Variants in PCDH9 observed in about 807,000 individuals in gnomAD.
The protein encoded by PCDH9 is protocadherin-9.
A neutral mutation model predicts 70.6 loss-of-function variants in PCDH9; 24 were observed. The ratio of observed to expected loss-of-function variants is 0.34; its 90% CI spans 0.25 to 0.48. PCDH9 has a LOEUF of 0.48. PCDH9 is among the 20% of genes least tolerant of loss of function. PCDH9 has a pLI of 0.99. For missense variants in PCDH9, 1,281 were observed against 1,503.6 expected (o/e 0.85, Z 2.45); for synonymous variants, 562 against 558.5 (o/e 1.01, Z -0.09).
chr13:66,920,520 T>G (rs1395569769), intron 2 of PCDH9, among the ~76,000 whole-genome samples: 1 of 150,888 alleles, frequency 6.6e-6, no homozygotes, highest in Non-Finnish European at 1.5e-5. Context: ...TTAATAACCT[T>G]CCCCACCAGA....
intron 2 of PCDH9, among the ~76,000 whole-genome samples, chr13:67,178,702 T>G (rs2088533792): frequency 1.3e-5 from 2 of 152,090 alleles, no homozygotes; most frequent in South Asian, 4.1e-4. Context: ...CCCCTTTTCT[T>G]TGTCATTTAA....
intron 4 of PCDH9, among the ~76,000 whole-genome samples, chr13:66,363,889 T>C (rs1956511448): frequency 1.3e-5 from 2 of 152,140 alleles, no homozygotes; most frequent in Admixed American, 1.3e-4. Context: ...GTGTGATGGA[T>C]CGTGCCTGTA....
intron 4 of PCDH9, among the ~76,000 whole-genome samples, chr13:66,540,653 A>G (rs1445141328): frequency 6.6e-6 from 1 of 152,218 alleles, no homozygotes; most frequent in Admixed American, 6.5e-5. Flanking sequence ...ATTAATACAG[A>G]TTCCCAGAAG....
At chr13:67,214,046 GC>G (rs2089533438) in intron 2 of PCDH9, 1 of 152,200 alleles carries the variant, frequency 6.6e-6, no homozygotes, top group East Asian at 1.9e-4. Context: ...AATGATTTTG[GC>G]CCCAGGATAT....
Position 67,228,255 on chromosome 13 carries a change from A to G in PCDH9, c.186T>C (p.Leu62=), listed in dbSNP as rs2138150758. The change falls in exon 2 of 5, where the codon CTT becomes CTC. Residue 62 remains leucine, a synonymous_variant. Coordinates refer to ENST00000377865, the MANE Select transcript of PCDH9 (RefSeq NM_203487.3). ...CAGCTTTAGAAACCAGTCTGTAGAC[A>G]AGGCTGGCGCTGGTCCCTGTGGCAG... ...INAATGTSAS[L]VYRLVSKAGD... 1 of 1,613,434 alleles carries G rather than the reference A, an allele frequency of 6.2e-7. No individual in the cohort carries two copies. The highest frequency in any genetic ancestry group is 1.1e-5 in the South Asian group (1 of 90,882).
intron 4 of PCDH9, among the ~76,000 whole-genome samples, chr13:66,529,554 T>C (rs1231618028): frequency 6.6e-6 from 1 of 152,126 alleles, no homozygotes; most frequent in Non-Finnish European, 1.5e-5. Context: ...TTAGATGTAA[T>C]GAAATCTGAT....
At chr13:67,029,776 C>T (rs2084867000) in intron 2 of PCDH9, among the ~76,000 whole-genome samples, 1 of 152,106 alleles carries the variant, frequency 6.6e-6, no homozygotes, top group Admixed American at 6.6e-5. Context: ...CATTACTCTC[C>T]ATTTTTCTAC....
chr13:66,706,381 T>C (rs2078711811), intron 3 of PCDH9, among the ~76,000 whole-genome samples: 1 of 152,160 alleles, frequency 6.6e-6, no homozygotes. Context: ...TTTGGACGAG[T>C]TCCTTAACCT....
chr13:67,161,933 T>G (rs2087973998), intron 2 of PCDH9, among the ~76,000 whole-genome samples: 1 of 152,214 alleles, frequency 6.6e-6, no homozygotes, highest in Non-Finnish European at 1.5e-5. Context: ...ACTGTGATAT[T>G]CTGTGGGCAA....
At chr13:66,627,319 T>C (rs934714841) in intron 4 of PCDH9, among the ~76,000 whole-genome samples, 1 of 152,132 alleles carries the variant, frequency 6.6e-6, no homozygotes, top group African/African-American at 2.4e-5. Flanking sequence ...GAGAACTAAA[T>C]AGCAAAATTA....
At chr13:66,988,318 A>G (rs1566344263) in intron 2 of PCDH9, among the ~76,000 whole-genome samples, 2 of 152,082 alleles carry the variant, frequency 1.3e-5, no homozygotes, top group Non-Finnish European at 2.9e-5. Flanking sequence ...ACGTAGTCTG[A>G]TGTTTACATA....
intron 2 of PCDH9, chr13:67,217,854 A>T (rs556223577): frequency 9.2e-5 from 14 of 152,108 alleles, no homozygotes; most frequent in Non-Finnish European, 1.3e-4. Context: ...CAGAGATACC[A>T]CAAGGAAGTA....
rs572024310 is a variant in PCDH9 at position 66,895,444 on chromosome 13, T to C, written c.3138+8060A>G. ...CATATATGTGGATGACTGTCACTCCTCTCAGGGTGTCTCCAATATCCTGAG... is the reference window on the plus strand; with the variant it reads ...CATATATGTGGATGACTGTCACTCCCCTCAGGGTGTCTCCAATATCCTGAG... On this transcript the variant is annotated intron_variant, in intron 3 of 4. Coordinates refer to ENST00000377865, the MANE Select transcript of PCDH9 (RefSeq NM_203487.3). Among the ~76,000 whole-genome samples, 10 of 152,260 alleles carry C rather than the reference T, an allele frequency of 6.6e-5. 1 individual carries two copies. In the South Asian group the frequency reaches 1.9e-3, roughly 28 times the overall value.
intron 3 of PCDH9, among the ~76,000 whole-genome samples, chr13:66,778,782 C>A (rs2079943291): frequency 6.6e-6 from 1 of 152,114 alleles, no homozygotes; most frequent in Admixed American, 6.6e-5. Flanking sequence ...ACTAATTGGC[C>A]AGGCTGGATT....
intron 2 of PCDH9, among the ~76,000 whole-genome samples, chr13:67,099,813 C>T (rs2086395116): frequency 6.6e-6 from 1 of 152,140 alleles, no homozygotes; most frequent in Non-Finnish European, 1.5e-5. Context: ...AACTTTCAAC[C>T]CTTCATCTAG....
chr13:66,946,803 A>G (rs1315305858), intron 2 of PCDH9, among the ~76,000 whole-genome samples: 1 of 152,086 alleles, frequency 6.6e-6, no homozygotes, highest in African/African-American at 2.4e-5. Flanking sequence ...AAAAGGTATA[A>G]TATATAGTTA....
intron 3 of PCDH9, among the ~76,000 whole-genome samples, chr13:66,850,952 G>A (rs1419402075): frequency 1.3e-5 from 2 of 152,248 alleles, no homozygotes; most frequent in South Asian, 2.1e-4. Context: ...AGTCTTTTCT[G>A]AACTGAAATT....
At chr13:66,447,818 T>C (rs1418277182) in intron 4 of PCDH9, among the ~76,000 whole-genome samples, 1 of 152,164 alleles carries the variant, frequency 6.6e-6, no homozygotes, top group Non-Finnish European at 1.5e-5. Flanking sequence ...AAGTAAAACA[T>C]AATTAGATTA....
In PCDH9 at chr13:67,175,496, C is replaced by T. The variant is rs568920491; in HGVS notation, c.3036+49909G>A. On this transcript the variant is annotated intron_variant, in intron 2 of 4. Coordinates refer to ENST00000377865, the MANE Select transcript of PCDH9 (RefSeq NM_203487.3). Reference sequence around the variant, plus strand: ...GAAAAAGTTCAAATAGACAGCAGGTCTATACCCATGAATACATATGGGGAT... The same window carrying T: ...GAAAAAGTTCAAATAGACAGCAGGTTTATACCCATGAATACATATGGGGAT... 1.8e-4 allele frequency among the ~76,000 whole-genome samples: 28 copies of T among 152,298 alleles called. No homozygotes were observed. In the South Asian group the frequency reaches 5.4e-3, roughly 29 times the overall value.
Sources: gnomAD v4.1 joint callset for allele counts (sites outside exome capture counted in the v4.1 genomes callset) on GRCh38, gnomAD v4.1.1 for gene constraint, MANE v1.5 for transcripts, NCBI Gene and HGNC (gene_info 2026-07-23, HGNC 2026-07-21) for gene names.